The following MACIR variants were observed in gnomAD, a reference collection of about 807,000 sequenced individuals.
MACIR encodes macrophage immunometabolism regulator, also known as UNC119-binding protein C5orf30.
MACIR carries 4 observed loss-of-function variants against 14.3 expected under a neutral mutation model. The ratio of observed to expected loss-of-function variants is 0.28; its 90% confidence interval spans 0.14 to 0.64. MACIR has a LOEUF of 0.64. Among genes scored for constraint, MACIR ranks in the 30% least tolerant of loss-of-function variants. The pLI is 0.83. For missense variants in MACIR, 228 were observed against 257.6 expected, an observed-to-expected ratio of 0.89 and a Z score of 0.79; for synonymous variants, 101 against 102.4, an observed-to-expected ratio of 0.99 and a Z score of 0.08.
At chr5:103,266,749 G>A (rs1804936318) in intron 2 of MACIR, among the ~76,000 whole-genome samples, 1 of 152,076 alleles carries the variant, frequency 6.6e-6, no homozygotes, top group African/African-American at 2.4e-5. Context: ...ATTATGTAAA[G>A]AGATCATAAT....
chr5:103,262,400 A>T (rs1294474170), intron 1 of MACIR, among the ~76,000 whole-genome samples: 1 of 152,196 alleles, frequency 6.6e-6, no homozygotes, highest in Non-Finnish European at 1.5e-5. Context: ...TTTGAGTAGG[A>T]TAACAAATGA....
chr5:103,265,209 C>CT (rs1174397092), intron 1 of MACIR, among the ~76,000 whole-genome samples: 1 of 152,060 alleles, frequency 6.6e-6, no homozygotes, highest in Admixed American at 6.6e-5. Context: ...CAGTCACTCT[C>CT]TTTTTTTGTT....
chr5:103,265,409 C>G (rs1554236667), intron 1 of MACIR, among the ~76,000 whole-genome samples: 3 of 152,114 alleles, frequency 2.0e-5, no homozygotes, highest in Non-Finnish European at 4.4e-5. Flanking sequence ...CATCTAACAA[C>G]TGTATTAGGG....
chr5:103,261,670 CTT>C (rs1257263421), intron 1 of MACIR, among the ~76,000 whole-genome samples: 1 of 125,036 alleles, frequency 8.0e-6, no homozygotes, highest in Non-Finnish European at 1.7e-5. Context: ...TTCTTTCTTT[CTT>C]TCTTTCTTTC....
chr5:103,260,881 T>G (rs1554236211), intron 1 of MACIR, among the ~76,000 whole-genome samples: 1 of 152,218 alleles, frequency 6.6e-6, no homozygotes, highest in East Asian at 1.9e-4. Context: ...TACCTGGTTT[T>G]AAGCCTTCCC....
chr5:103,263,248 G>C (rs1354175194), intron 1 of MACIR, among the ~76,000 whole-genome samples: 5 of 149,670 alleles, frequency 3.3e-5, no homozygotes, highest in Admixed American at 1.3e-4. Flanking sequence ...TCCTCCTCCT[G>C]CTCTTCCTCC....
In MACIR at chr5:103,275,878, T is replaced by C; in HGVS notation, c.-23-19T>C. 4 of 1,573,602 alleles carry C rather than the reference T, an allele frequency of 2.5e-6. No homozygotes were observed. The highest frequency in any genetic ancestry group is 3.5e-6 in the Non-Finnish European group (4 of 1,158,446). ...CTCTGTGCATTATATTCTTCTAATCTAAGTCTGTTTACTTTTAGGATTGTG... is the reference window on the plus strand; with the variant it reads ...CTCTGTGCATTATATTCTTCTAATCCAAGTCTGTTTACTTTTAGGATTGTG... On this transcript the variant is annotated intron_variant, in intron 2 of 2. Transcript: ENST00000319933.
At chr5:103,273,547 G>A (rs1431777335) in intron 2 of MACIR, among the ~76,000 whole-genome samples, 2 of 152,098 alleles carry the variant, frequency 1.3e-5, no homozygotes, top group African/African-American at 4.8e-5. Context: ...TCTCCTTCTA[G>A]GCTTTATCTT....
chr5:103,274,089 T>C (rs1235817564), intron 2 of MACIR, among the ~76,000 whole-genome samples: 2 of 152,184 alleles, frequency 1.3e-5, no homozygotes, highest in East Asian at 3.9e-4. Context: ...TACCTGTAGC[T>C]GCCAGTCAGG....
intron 2 of MACIR, among the ~76,000 whole-genome samples, chr5:103,272,295 A>T (rs1362142383): frequency 6.6e-6 from 1 of 151,978 alleles, no homozygotes; most frequent in Non-Finnish European, 1.5e-5. Flanking sequence ...TGCTGTGGAA[A>T]ATGTTGGACA....
At chr5:103,261,466 G>C (rs1554236246) in intron 1 of MACIR, among the ~76,000 whole-genome samples, 1 of 152,114 alleles carries the variant, frequency 6.6e-6, no homozygotes, top group African/African-American at 2.4e-5. Context: ...TATTCCTCCA[G>C]AGATGTTTTG....
intron 2 of MACIR, among the ~76,000 whole-genome samples, chr5:103,266,521 G>A (rs1804929150): frequency 6.6e-6 from 1 of 152,076 alleles, no homozygotes; most frequent in Non-Finnish European, 1.5e-5. Flanking sequence ...TTAAAAATAT[G>A]CAATGCTGTT....
At chr5:103,270,153 A>G (rs1805074358) in intron 2 of MACIR, among the ~76,000 whole-genome samples, 1 of 152,338 alleles carries the variant, frequency 6.6e-6, no homozygotes, top group African/African-American at 2.4e-5. Context: ...GAGTGTATAG[A>G]TGATACTCTT....
At chr5:103,263,834 A>G (rs1804823244) in intron 1 of MACIR, among the ~76,000 whole-genome samples, 1 of 152,178 alleles carries the variant, frequency 6.6e-6, no homozygotes, top group African/African-American at 2.4e-5. Flanking sequence ...TTGATATCCA[A>G]CCATATAACC....
intron 2 of MACIR, among the ~76,000 whole-genome samples, chr5:103,272,957 A>G (rs1554237243): frequency 6.6e-6 from 1 of 152,176 alleles, no homozygotes; most frequent in African/African-American, 2.4e-5. Context: ...CAGCTCTGAG[A>G]ATTGCTCATC....
chr5:103,270,223 CATT>C (rs1397763661), intron 2 of MACIR, among the ~76,000 whole-genome samples: 3 of 152,104 alleles, frequency 2.0e-5, no homozygotes, highest in African/African-American at 4.8e-5. Context: ...AAACCAGAAA[CATT>C]ATTAATAAGG....
chr5:103,268,200 G>A (rs1166960097), intron 2 of MACIR, among the ~76,000 whole-genome samples: 2 of 152,122 alleles, frequency 1.3e-5, no homozygotes, highest in Non-Finnish European at 2.9e-5. Flanking sequence ...AGATATCTAT[G>A]AGTATGGTGG....
Position 103,276,800 on chromosome 5 carries a change from A to G in MACIR, c.*260A>G, listed in dbSNP as rs1194992171. 1.3e-5 allele frequency: 4 copies of G among 318,362 alleles called. No individual in the cohort carries two copies. Among genetic ancestry groups the G allele is most frequent in the African/African-American group, 8.6e-5 (4 of 46,392 alleles). 19.7% of individuals were successfully genotyped at this position (318,362 alleles called of 1,614,324 possible). A position where few individuals can be genotyped will look rare whatever the true frequency, so the allele number is the denominator to read the frequency against. On this transcript the variant is annotated 3_prime_UTR_variant, in exon 3 of 3. Coordinates refer to ENST00000319933, the MANE Select transcript of MACIR (RefSeq NM_033211.4). ...TAGTTTGTATAGCTTTTTAGCTAGG[A>G]AAAAAAGGCTTTGGTACAGTAATTT...
rs1348683700 is a variant in MACIR, at chr5:103,276,760, CAG to C, written c.*222_*223del. ...CTAGAGCACGCAACTGCAAAGAAAA[CAG>C]AATGTTGACTGTTAGTTTGTATAGC... On this transcript the variant is annotated 3_prime_UTR_variant, in exon 3 of 3. Coordinates refer to ENST00000319933, the MANE Select transcript of MACIR (RefSeq NM_033211.4). 1 of 425,506 alleles carries C rather than the reference CAG, an allele frequency of 2.4e-6. No homozygotes were observed. Among genetic ancestry groups the C allele is most frequent in the Non-Finnish European group, 4.3e-6 (1 of 232,664 alleles). 26.4% of individuals were successfully genotyped at this position (425,506 alleles called of 1,614,324 possible).
Sources: allele counts gnomAD v4.1 joint callset (sites outside exome capture counted in the v4.1 genomes callset), GRCh38; gene constraint gnomAD v4.1.1; transcripts MANE v1.5; gene names NCBI Gene and HGNC (gene_info 2026-07-23, HGNC 2026-07-21).